The following SPIN1 variants were observed in gnomAD, a reference collection of about 807,000 sequenced individuals.
The protein encoded by SPIN1 is spindlin 1, also known as spindlin-1.
SPIN1 carries 3 observed loss-of-function variants against 26.0 expected under a neutral mutation model. The ratio of observed to expected loss-of-function variants is 0.12; its 90% confidence interval spans 0.05 to 0.30. The LOEUF (loss-of-function observed/expected upper bound fraction) is 0.30, where lower values mean the gene tolerates loss of function less well. Among genes scored for constraint, SPIN1 ranks in the 10% least tolerant of loss-of-function variants. The pLI is 1.00. For synonymous variants in SPIN1, 101 were observed against 116.5 expected (o/e 0.87, Z 0.86); for missense variants, 126 against 333.4 (o/e 0.38, Z 4.84).
At chr9:88,437,848 G>T (rs1192153604) in intron 2 of SPIN1, among the ~76,000 whole-genome samples, 2 of 152,040 alleles carry the variant, frequency 1.3e-5, no homozygotes, top group Non-Finnish European at 2.9e-5. Flanking sequence ...TAAGACAGAA[G>T]CTTAGATTAT....
chr9:88,408,530 C>G (rs1194756766), intron 1 of SPIN1, among the ~76,000 whole-genome samples: 1 of 151,656 alleles, frequency 6.6e-6, no homozygotes, highest in East Asian at 2.0e-4. Context: ...GTGCCCGCCA[C>G]CAGGCCTCAT....
intron 4 of SPIN1, 123 bp from the exon 5 acceptor site, chr9:88,468,249 A>T: frequency 1.7e-6 from 1 of 592,550 alleles, no homozygotes; most frequent in South Asian, 3.4e-5. Flanking sequence ...CCAGATTCTG[A>T]TGCTTGCTAA....
At chr9:88,389,922 A>C (rs749999320) in intron 1 of SPIN1, among the ~76,000 whole-genome samples, 3 of 151,472 alleles carry the variant, frequency 2.0e-5, no homozygotes, top group Non-Finnish European at 2.9e-5. Flanking sequence ...CAACCTCCCC[A>C]CTCTCCCCCC....
At chr9:88,434,824 A>G (rs1240030515) in intron 2 of SPIN1, among the ~76,000 whole-genome samples, 1 of 152,094 alleles carries the variant, frequency 6.6e-6, no homozygotes, top group Admixed American at 6.5e-5. Flanking sequence ...TGGGAGGCCG[A>G]AGCGGGTGGG....
chr9:88,399,825 G>T (rs1214284462), intron 1 of SPIN1, among the ~76,000 whole-genome samples: 1 of 152,198 alleles, frequency 6.6e-6, no homozygotes, highest in Non-Finnish European at 1.5e-5. Flanking sequence ...AGAATGATCA[G>T]CTCAGGCTTT....
Position 88,448,959 on chromosome 9 carries a change from C to T in SPIN1, c.71C>T (p.Ala24Val). ...CTTACAGGCCATGCTGGAGTATCTG[C>T]CAACATGATGAAGAAGAGGACATCC... ...RADAGHAGVS[A>V]NMMKKRTSHK... The change falls in exon 3 of 6, where the codon GCC (alanine) becomes GTC (valine). Residue 24 changes from alanine (A) to valine (V), a missense_variant. Around this residue, in one of 7 missense-constraint regions of SPIN1, gnomAD observed 63 missense variants for 101.3 expected, o/e 0.62. Transcript: ENST00000375859. 6.2e-7 allele frequency: 1 copy of T among 1,612,784 alleles called. No individual in the cohort carries two copies. Among genetic ancestry groups the T allele is most frequent in the Admixed American group, 1.7e-5 (1 of 59,772 alleles).
intron 2 of SPIN1, 37 bp downstream of exon 2, chr9:88,426,628 CT>C: frequency 6.5e-7 from 1 of 1,538,942 alleles, no homozygotes; most frequent in Non-Finnish European, 8.8e-7. Context: ...TAAATATATA[CT>C]TTAATATAAT....
intron 4 of SPIN1, among the ~76,000 whole-genome samples, chr9:88,465,749 ACT>A (rs1345676071): frequency 6.6e-6 from 1 of 152,230 alleles, no homozygotes; most frequent in Non-Finnish European, 1.5e-5. Flanking sequence ...CTGCATTGTA[ACT>A]AACCTTTAAG....
intron 1 of SPIN1, among the ~76,000 whole-genome samples, chr9:88,418,525 T>C (rs564930262): frequency 1.3e-5 from 2 of 152,334 alleles, no homozygotes; most frequent in East Asian, 3.9e-4. Context: ...GGTCCTGGTG[T>C]TAAGATATGG....
intron 2 of SPIN1, 47 bp from the exon 3 acceptor site, chr9:88,448,894 A>T (rs1475612244): frequency 1.3e-6 from 2 of 1,578,702 alleles, no homozygotes; most frequent in Admixed American, 1.7e-5. Flanking sequence ...ATTCTGAGGT[A>T]TTCTTTTATC....
At chr9:88,470,576 T>C (rs1308025096) in intron 5 of SPIN1, among the ~76,000 whole-genome samples, 1 of 148,556 alleles carries the variant, frequency 6.7e-6, no homozygotes, top group Non-Finnish European at 1.5e-5. Context: ...GTTAAGCATC[T>C]TTCATATGCT....
At chr9:88,458,604 C>T (rs1439463918) in intron 3 of SPIN1, among the ~76,000 whole-genome samples, 1 of 152,092 alleles carries the variant, frequency 6.6e-6, no homozygotes, top group East Asian at 1.9e-4. Context: ...AAAAATTCTG[C>T]TGTCATAGGT....
intron 2 of SPIN1, among the ~76,000 whole-genome samples, chr9:88,443,940 A>ATCCT (rs59328003): frequency 0.33 from 49,552 of 151,570 alleles, 15,244 homozygotes; most frequent in African/African-American, 0.82. Context: ...GCCCATGCTG[A>ATCCT]CTAGCAATGT....
chr9:88,413,469 A>G (rs914994203), intron 1 of SPIN1, among the ~76,000 whole-genome samples: 10 of 143,324 alleles, frequency 7.0e-5, no homozygotes, highest in African/African-American at 2.3e-4. Flanking sequence ...CTGCAACCTC[A>G]GCCTCCCAGG....
chr9:88,468,373 G>A lies in SPIN1; in HGVS notation c.357G>A (p.Ala119=), dbSNP rs61999324. 8.6e-3 allele frequency: 12,929 copies of A among 1,498,898 alleles called. 389 individuals carry two copies. In the African/African-American group the frequency reaches 0.1, roughly 12 times the overall value. The allele number at this position is 1,498,898 out of a possible 1,614,324, so 92.8% of individuals were successfully genotyped here. Reference sequence around the variant, plus strand: ...TTTTTTTTTTTTTTTAATCCCCAGCGACATCTCGAATCAGCGATGCACACT... The same window carrying A: ...TTTTTTTTTTTTTTTAATCCCCAGCAACATCTCGAATCAGCGATGCACACT... ...SALEVLPDRV[A]TSRISDAHLA... Residue 119 remains alanine (A), a splice_region_variant and synonymous_variant, in exon 5 of 6, where the codon GCG becomes GCA. Coordinates refer to ENST00000375859, the MANE Select transcript of SPIN1 (RefSeq NM_006717.3).
At chr9:88,432,278 C>T (rs1487201129) in intron 2 of SPIN1, among the ~76,000 whole-genome samples, 3 of 150,902 alleles carry the variant, frequency 2.0e-5, no homozygotes, top group Non-Finnish European at 4.4e-5. Context: ...CAACCTCCAC[C>T]TCCCGGGCTC....
chr9:88,462,075 A>G (rs1425784481), intron 3 of SPIN1, among the ~76,000 whole-genome samples: 2 of 152,224 alleles, frequency 1.3e-5, no homozygotes, highest in Non-Finnish European at 2.9e-5. Flanking sequence ...CTTGAAGTAG[A>G]TATTATATAA....
At chr9:88,390,237 G>A (rs1332100596) in intron 1 of SPIN1, among the ~76,000 whole-genome samples, 2 of 152,176 alleles carry the variant, frequency 1.3e-5, no homozygotes, top group Non-Finnish European at 2.9e-5. Context: ...AACAGCCATT[G>A]CGATGCCATA....
At chr9:88,451,724 C>A (rs1325932071) in intron 3 of SPIN1, among the ~76,000 whole-genome samples, 1 of 152,150 alleles carries the variant, frequency 6.6e-6, no homozygotes, top group Admixed American at 6.5e-5. Context: ...GCACGCCCAG[C>A]TAATTTTTGT....
Sources: allele counts gnomAD v4.1 joint callset (sites outside exome capture counted in the v4.1 genomes callset), GRCh38; gene constraint gnomAD v4.1.1; regional missense constraint gnomAD v4.1.1; transcripts MANE v1.5; gene names NCBI Gene and HGNC (gene_info 2026-07-23, HGNC 2026-07-21).